The following MEIS2 variants were observed in gnomAD, a reference collection of about 807,000 sequenced individuals.
The protein encoded by MEIS2 is homeobox protein Meis2.
A neutral mutation model predicts 58.6 loss-of-function variants in MEIS2; 9 were observed. That is an observed-to-expected ratio of 0.15 (90% confidence interval 0.09 to 0.27). The LOEUF (loss-of-function observed/expected upper bound fraction) is 0.27. Ranked by LOEUF, MEIS2 falls within the 10% of genes least tolerant of loss-of-function variation. The pLI is 1.00. For missense variants in MEIS2, 427 were observed against 635.0 expected, an observed-to-expected ratio of 0.67 and a Z score of 3.52; for synonymous variants, 221 against 228.4, an observed-to-expected ratio of 0.97 and a Z score of 0.29.
intron 9 of MEIS2, chr15:36,898,336 A>T (rs569627840): frequency 6.6e-6 from 1 of 152,302 alleles, no homozygotes; most frequent in Admixed American, 6.5e-5. Flanking sequence ...TGATATTTCC[A>T]CCCCAGGAAC....
At chr15:36,913,439 T>C (rs992517660) in intron 9 of MEIS2, among the ~76,000 whole-genome samples, 10 of 152,224 alleles carry the variant, frequency 6.6e-5, no homozygotes, top group African/African-American at 2.4e-4. Context: ...CTTCAATTAA[T>C]AGCCACTCAT....
chr15:37,042,582 C>A (rs555438861), intron 7 of MEIS2, among the ~76,000 whole-genome samples: 1 of 152,318 alleles, frequency 6.6e-6, no homozygotes, highest in South Asian at 2.1e-4. Flanking sequence ...TTTTACTTTT[C>A]AAAGCATCAC....
chr15:36,944,773 C>T (rs1231202051), intron 9 of MEIS2, among the ~76,000 whole-genome samples: 2 of 151,992 alleles, frequency 1.3e-5, no homozygotes, highest in Non-Finnish European at 1.5e-5. Flanking sequence ...TAACAAATGG[C>T]CGCGGTGGAA....
At chr15:37,084,858 C>T (rs1278556383) in intron 6 of MEIS2, among the ~76,000 whole-genome samples, 3 of 152,106 alleles carry the variant, frequency 2.0e-5, no homozygotes, top group Admixed American at 6.6e-5. Context: ...CTGGCAGAAA[C>T]GGAGAGGAGG....
At chr15:37,043,990 T>A (rs1313053807) in intron 7 of MEIS2, among the ~76,000 whole-genome samples, 1 of 152,150 alleles carries the variant, frequency 6.6e-6, no homozygotes, top group East Asian at 1.9e-4. Flanking sequence ...CTGGCCCGTC[T>A]CTTCTTTATC....
chr15:37,092,382 C>G (rs4146313), intron 6 of MEIS2, among the ~76,000 whole-genome samples: 84,759 of 151,922 alleles, frequency 0.56, 23,735 homozygotes, highest in South Asian at 0.63. Flanking sequence ...CAATTCATTT[C>G]TCATACCAGT....
At chr15:36,957,229 G>GT (rs1371641039) in intron 8 of MEIS2, among the ~76,000 whole-genome samples, 2 of 152,060 alleles carry the variant, frequency 1.3e-5, no homozygotes, top group Non-Finnish European at 1.5e-5. Context: ...ATTTTAGCAT[G>GT]TTTTTTGTGT....
intron 7 of MEIS2, among the ~76,000 whole-genome samples, chr15:37,060,793 C>T (rs917577652): frequency 7.9e-5 from 12 of 152,084 alleles, no homozygotes; most frequent in East Asian, 5.8e-4. Context: ...TGCAGGGATT[C>T]GGTACAATTC....
At chr15:37,020,674 C>CTT (rs556555396) in intron 8 of MEIS2, among the ~76,000 whole-genome samples, 38,202 of 138,530 alleles carry the variant, frequency 0.28, 5,557 homozygotes, top group Non-Finnish European at 0.34. Flanking sequence ...GCATTCTGGT[C>CTT]TTTTTTTTTT....
intron 1 of MEIS2, 29 bp from the exon 2 acceptor site, chr15:37,098,228 C>T (rs766746324): frequency 2.7e-6 from 4 of 1,485,230 alleles, no homozygotes; most frequent in Non-Finnish European, 3.6e-6. Context: ...GGGGAGGGGG[C>T]GCAGGAGGTG....
chr15:36,892,506 T>C (rs749102261), intron 11 of MEIS2, 47 bp from the exon 12 acceptor site: 4 of 1,518,088 alleles, frequency 2.6e-6, no homozygotes, highest in Non-Finnish European at 3.6e-6. Flanking sequence ...TCCTAAACAT[T>C]TTTATACTTT....
chr15:36,928,942 A>G (rs1372246967), intron 9 of MEIS2, among the ~76,000 whole-genome samples: 2 of 152,230 alleles, frequency 1.3e-5, no homozygotes, highest in East Asian at 3.8e-4. Context: ...GAAAGAAGGG[A>G]AAGAAAGAAA....
At chr15:36,934,777 C>A in intron 9 of MEIS2, among the ~76,000 whole-genome samples, 1 of 152,056 alleles carries the variant, frequency 6.6e-6, no homozygotes, top group African/African-American at 2.4e-5. Context: ...AAATCACTGG[C>A]AATTTTATGC....
chr15:36,956,647 T>G (rs2058988417), intron 8 of MEIS2, among the ~76,000 whole-genome samples: 2 of 152,132 alleles, frequency 1.3e-5, no homozygotes, highest in South Asian at 4.1e-4. Flanking sequence ...TTATTGTCAC[T>G]GAATGAAGAG....
intron 9 of MEIS2, among the ~76,000 whole-genome samples, chr15:36,908,870 C>T (rs909182277): frequency 6.6e-5 from 10 of 151,906 alleles, no homozygotes; most frequent in Non-Finnish European, 1.2e-4. Context: ...ACCTGGGAGG[C>T]GGAGGTTGTG....
chr15:37,049,650 C>T (rs1018395092), intron 7 of MEIS2, among the ~76,000 whole-genome samples: 8 of 151,860 alleles, frequency 5.3e-5, no homozygotes, highest in African/African-American at 1.5e-4. Context: ...CCATGCCTGG[C>T]TAATTTTTTG....
At chr15:37,039,956 G>A (rs1253719264) in intron 7 of MEIS2, among the ~76,000 whole-genome samples, 7 of 152,014 alleles carry the variant, frequency 4.6e-5, no homozygotes, top group Non-Finnish European at 7.4e-5. Flanking sequence ...ACAGCATAAC[G>A]AAAATTTTTG....
intron 9 of MEIS2, among the ~76,000 whole-genome samples, chr15:36,916,486 C>T (rs942203166): frequency 4.6e-5 from 7 of 151,044 alleles, no homozygotes; most frequent in African/African-American, 1.5e-4. Context: ...GGCTGAAGTG[C>T]AGTGGTGTGA....
Position 37,036,872 on chromosome 15 carries a change from C to G in MEIS2, c.842G>C (p.Gly281Ala). 6.2e-7 allele frequency: 1 copy of G among 1,613,958 alleles called. No homozygotes were observed. Among genetic ancestry groups the G allele is most frequent in the Non-Finnish European group, 8.5e-7 (1 of 1,179,980 alleles). The change falls in exon 8 of 12, where the codon GGC becomes GCC. Residue 281 changes from glycine to alanine, a missense_variant. Coordinates refer to ENST00000561208, the MANE Select transcript of MEIS2 (RefSeq NM_170675.5). ...ATTTGTTGCTACTTTGGGGAAAATG[C>G]CTCTTTTCTTCTGGCGTTTTTTGTC... ...DKDKKRQKKR[G>A]IFPKVATNIM...
Sources: gnomAD v4.1 joint callset for allele counts (sites outside exome capture counted in the v4.1 genomes callset) on GRCh38, gnomAD v4.1.1 for gene constraint, MANE v1.5 for transcripts, NCBI Gene and HGNC (gene_info 2026-07-23, HGNC 2026-07-21) for gene names.